Variants in CLIP1 observed in about 807,000 individuals in gnomAD.
The protein encoded by CLIP1 is CAP-Gly domain-containing linker protein 1.
CLIP1 carries 66 observed loss-of-function variants against 161.6 expected under a neutral mutation model. The observed-to-expected ratio is 0.41, with a 90% CI of 0.33 to 0.50. The LOEUF is 0.50. CLIP1 is among the 20% of genes least tolerant of loss of function. The probability of loss-of-function intolerance (pLI) is 0.27; values close to 1 mark genes in which losing one functional copy is unlikely to be tolerated. For synonymous variants in CLIP1, 598 were observed against 626.2 expected (o/e 0.96, Z 0.67); for missense variants, 1,376 against 1,702.0 (o/e 0.81, Z 3.37).
Position 122,278,730 on chromosome 12 carries a change from T to C in CLIP1, c.3916+62A>G. The C allele has an allele frequency of 3.3e-6, 5 of 1,496,394 alleles. No homozygotes were observed. The South Asian group carries it at 5.7e-5, about 17-fold the overall frequency. The allele number at this position is 1,496,394 out of a possible 1,614,324, so 92.7% of individuals were successfully genotyped here. A position where few individuals can be genotyped will look rare whatever the true frequency, so the allele number is the denominator to read the frequency against. ...AGCTGTCTTCGAAGAGCATCTCTAC[T>C]AGAAAGGGCTCCTCGGGAGGACGCG... On this transcript the variant is annotated intron_variant, in intron 23 of 25. Coordinates refer to ENST00000620786, the MANE Select transcript of CLIP1 (RefSeq NM_001247997.2).
At chr12:122,415,645 A>T (rs1268660092) in intron 1 of CLIP1, among the ~76,000 whole-genome samples, 2 of 151,592 alleles carry the variant, frequency 1.3e-5, no homozygotes, top group Non-Finnish European at 2.9e-5. Context: ...ATGGTGAAAC[A>T]CTGTTTCTAC....
rs577144825 is a variant in CLIP1 at position 122,331,171 on chromosome 12, T to C, written c.2867+1816A>G. 5.3e-5 allele frequency among the ~76,000 whole-genome samples: 8 copies of C among 151,908 alleles called. No homozygotes were observed. The South Asian group carries it at 1.5e-3, about 28-fold the overall frequency. On this transcript the variant is annotated intron_variant, in intron 15 of 25. Coordinates refer to ENST00000620786, the MANE Select transcript of CLIP1 (RefSeq NM_001247997.2). Reference sequence around the variant, plus strand: ...CTGGGATTACAGGAATGCGCCACCATACCCGGCTAATTTTGTATCTTTAGT... The same window carrying C: ...CTGGGATTACAGGAATGCGCCACCACACCCGGCTAATTTTGTATCTTTAGT...
intron 7 of CLIP1, 27 bp from the exon 8 acceptor site, chr12:122,352,813 C>T (rs1353356240): frequency 6.3e-7 from 1 of 1,585,002 alleles, no homozygotes; most frequent in South Asian, 1.1e-5. Context: ...AAACAAAACA[C>T]TTAAGAAACT....
At chr12:122,380,103 C>A (rs529852302) in intron 2 of CLIP1, among the ~76,000 whole-genome samples, 3 of 148,752 alleles carry the variant, frequency 2.0e-5, no homozygotes, top group African/African-American at 7.4e-5. Context: ...ATTAGCTGAG[C>A]GTGGTAGTAT....
chr12:122,415,252 C>T (rs974195646), intron 1 of CLIP1, among the ~76,000 whole-genome samples: 7 of 151,468 alleles, frequency 4.6e-5, no homozygotes, highest in African/African-American at 1.2e-4. Flanking sequence ...GAGGCAGAGG[C>T]GGGCGGATCA....
chr12:122,286,589 AAC>A lies in CLIP1; in HGVS notation c.3647+1898_3647+1899del, dbSNP rs572154125. Reference sequence around the variant, plus strand: ...CTTATCAGGGGCACGGCAGTGGTGAAACACACGCGCATTCTGAGTATAAACAC... The same window carrying A: ...CTTATCAGGGGCACGGCAGTGGTGAAACACGCGCATTCTGAGTATAAACAC... On this transcript the variant is annotated intron_variant, in intron 21 of 25. Transcript: ENST00000620786. Among the ~76,000 whole-genome samples the A allele has an allele frequency of 1.6e-4, 25 of 151,618 alleles. 1 individual carries two copies. In the South Asian group the frequency reaches 4.6e-3, roughly 28 times the overall value.
At chr12:122,330,597 G>GTTTTTTTTTTTTTGGTTTTTTTT (rs1555265518) in intron 15 of CLIP1, among the ~76,000 whole-genome samples, 1 of 101,404 alleles carries the variant, frequency 9.9e-6, no homozygotes, top group Non-Finnish European at 1.8e-5. Flanking sequence ...GTATAATGCA[G>GTTTTTTTTTTTTTGGTTTTTTTT]TTTTTTTTTT....
intron 1 of CLIP1, among the ~76,000 whole-genome samples, chr12:122,390,172 GATATATATATATATATATATATATA>G (rs1199455642): frequency 1.1e-5 from 1 of 93,536 alleles, no homozygotes; most frequent in Non-Finnish European, 2.2e-5. Context: ...CACAGTCTCA[GATATATATATATATATATATATATA>G]ATATATATAT....
chr12:122,288,633 C>A, intron 20 of CLIP1, 92 bp from the exon 21 acceptor site: 1 of 1,057,398 alleles, frequency 9.5e-7, no homozygotes, highest in Non-Finnish European at 1.4e-6. Context: ...GGCTCCAGGA[C>A]AGCTAAAGCC....
chr12:122,330,433 T>C (rs1951894692), intron 15 of CLIP1, among the ~76,000 whole-genome samples: 1 of 152,108 alleles, frequency 6.6e-6, no homozygotes, highest in African/African-American at 2.4e-5. Context: ...GAAGTAGAAG[T>C]CTAATGCCTA....
intron 5 of CLIP1, chr12:122,356,246 T>C (rs1449087810): frequency 2.6e-5 from 4 of 152,230 alleles, no homozygotes; most frequent in Admixed American, 1.3e-4. Context: ...TCCCAAACCA[T>C]GTGCAGAGAT....
At position 122,347,689 on chromosome 12, in the gene CLIP1, C is replaced by T. The variant is rs143185941; in HGVS notation, c.1402-210G>A. On this transcript the variant is annotated intron_variant, in intron 9 of 25. Coordinates refer to ENST00000620786, the MANE Select transcript of CLIP1 (RefSeq NM_001247997.2). ...ACAAAGGATGGTGGTGGGCAGGGGG[C>T]ATGGGCTAGTCTGTTCAGAAAGAAA... Among the ~76,000 whole-genome samples the T allele has an allele frequency of 2.6e-5, 4 of 152,122 alleles. No individual in the cohort carries two copies. In the East Asian group the frequency reaches 7.7e-4, roughly 29 times the overall value.
At chr12:122,316,002 C>A (rs913251274) in intron 19 of CLIP1, among the ~76,000 whole-genome samples, 3 of 151,446 alleles carry the variant, frequency 2.0e-5, no homozygotes, top group Non-Finnish European at 4.4e-5. Flanking sequence ...GATTTTTTTC[C>A]CCCTATAAAA....
Position 122,341,222 on chromosome 12 carries a change from G to A in CLIP1, c.1982C>T (p.Thr661Ile). The change falls in exon 11 of 26, where the codon ACA becomes ATA. Residue 661 changes from threonine (T) to isoleucine (I), a missense_variant. Coordinates refer to ENST00000620786, the MANE Select transcript of CLIP1 (RefSeq NM_001247997.2). ...TETAEFAELK[T>I]QIEKMRLDYQ... ...ATCTAGTCTCATTTTCTCTATTTGT[G>A]TTTTTAGTTCAGCAAATTCTGCCGT... 6.2e-7 allele frequency: 1 copy of A among 1,614,018 alleles called. No homozygotes were observed. Among genetic ancestry groups the A allele is most frequent in the Non-Finnish European group, 8.5e-7 (1 of 1,180,004 alleles).
rs867503553 is a variant in CLIP1 at position 122,321,403 on chromosome 12, G to A, written c.3250-2055C>T. Among the ~76,000 whole-genome samples the A allele has an allele frequency of 2.6e-5, 4 of 151,862 alleles. No homozygotes were observed. The Middle Eastern group carries it at 0.01, about 387-fold the overall frequency. On this transcript the variant is annotated intron_variant, in intron 17 of 25. Coordinates refer to ENST00000620786, the MANE Select transcript of CLIP1 (RefSeq NM_001247997.2). ...TGGGATTATAAGCGCACGCCACCACGCCTGGCGAATTTTTGTATTTTTAGT... is the reference window on the plus strand; with the variant it reads ...TGGGATTATAAGCGCACGCCACCACACCTGGCGAATTTTTGTATTTTTAGT...
intron 15 of CLIP1, among the ~76,000 whole-genome samples, chr12:122,329,403 G>T (rs967890461): frequency 9.9e-5 from 15 of 151,762 alleles, no homozygotes; most frequent in Non-Finnish European, 1.5e-4. Context: ...CCGATGGGGG[G>T]GCGGATCACG....
intron 1 of CLIP1, among the ~76,000 whole-genome samples, chr12:122,390,279 CATAT>C (rs1179187571): frequency 0.023 from 1,779 of 78,988 alleles, 38 homozygotes; most frequent in African/African-American, 0.058. Flanking sequence ...TATATATATA[CATAT>C]ATATATATAT....
At chr12:122,302,860 G>A (rs1308715009) in intron 20 of CLIP1, among the ~76,000 whole-genome samples, 1 of 152,134 alleles carries the variant, frequency 6.6e-6, no homozygotes, top group Non-Finnish European at 1.5e-5. Context: ...GCCTCACACA[G>A]TCCTAGAATT....
intron 1 of CLIP1, among the ~76,000 whole-genome samples, chr12:122,405,214 T>C (rs541356322): frequency 6.6e-6 from 1 of 151,942 alleles, no homozygotes; most frequent in East Asian, 1.9e-4. Flanking sequence ...CCATGAGACG[T>C]TCTGTCACTG....
Sources: gnomAD v4.1 joint callset for allele counts (sites outside exome capture counted in the v4.1 genomes callset) on GRCh38, gnomAD v4.1.1 for gene constraint, MANE v1.5 for transcripts, NCBI Gene and HGNC (gene_info 2026-07-23, HGNC 2026-07-21) for gene names.